NEK10: variants seen among roughly 807,000 people sequenced by gnomAD.
NEK10 encodes serine/threonine-protein kinase Nek10.
A neutral mutation model predicts 159.8 loss-of-function variants in NEK10; 122 were observed. The ratio of observed to expected loss-of-function variants is 0.76; its 90% confidence interval spans 0.66 to 0.89. The LOEUF (loss-of-function observed/expected upper bound fraction) is 0.89. Among genes scored for constraint, NEK10 ranks in the 40% least tolerant of loss-of-function variants. The pLI is 0.00. For missense variants in NEK10, 1,342 were observed against 1,323.1 expected (o/e 1.01, Z -0.22); for synonymous variants, 466 against 457.1 (o/e 1.02, Z -0.25).
intron 18 of NEK10, 120 bp downstream of exon 18, chr3:27,291,142 T>G: frequency 1.1e-6 from 1 of 946,716 alleles, no homozygotes; most frequent in South Asian, 1.8e-5. Flanking sequence ...TCATTCTAAT[T>G]TTCATATCTG....
chr3:27,322,114 C>T (rs1204975646), intron 6 of NEK10, 63 bp downstream of exon 6: 1 of 828,196 alleles, frequency 1.2e-6, no homozygotes, highest in Admixed American at 2.6e-5. Flanking sequence ...AAAGAAAAGC[C>T]CACCAGTCTT....
At position 27,321,091 on chromosome 3, in the gene NEK10, C is replaced by A. The variant is rs527857530; in HGVS notation, c.447+1086G>T. Among the ~76,000 whole-genome samples, 4 of 151,754 alleles carry A rather than the reference C, an allele frequency of 2.6e-5. No homozygotes were observed. In the East Asian group the frequency reaches 7.7e-4, roughly 29 times the overall value. On this transcript the variant is annotated intron_variant, in intron 6 of 35. Coordinates refer to ENST00000691995, the MANE Select transcript of NEK10 (RefSeq NM_001394966.1). ...TCAAATAACAATTCATCAATAAAATCGAGTTCAAAATTAAAGGTGTGAGCT... is the reference window on the plus strand; with the variant it reads ...TCAAATAACAATTCATCAATAAAATAGAGTTCAAAATTAAAGGTGTGAGCT...
At chr3:27,244,742 G>A (rs905013468) in intron 23 of NEK10, among the ~76,000 whole-genome samples, 9 of 152,022 alleles carry the variant, frequency 5.9e-5, no homozygotes, top group African/African-American at 7.2e-5. Flanking sequence ...GCAGTTCCTG[G>A]ACTCGCCCCC....
chr3:27,286,079 CTTTTTTTTTTT>C (rs35663067), intron 20 of NEK10, among the ~76,000 whole-genome samples: 3 of 57,706 alleles, frequency 5.2e-5, no homozygotes, highest in African/African-American at 1.6e-4. Context: ...ATTTCCAATT[CTTTTTTTTTTT>C]TTTTTTTTTT....
chr3:27,300,784 A>T (rs554399222), intron 13 of NEK10, among the ~76,000 whole-genome samples: 2 of 152,334 alleles, frequency 1.3e-5, no homozygotes, highest in South Asian at 4.1e-4. Flanking sequence ...GGGAGTCTTC[A>T]AACAGTAAAC....
chr3:27,240,486 T>TA, intron 23 of NEK10, among the ~76,000 whole-genome samples: 1 of 152,282 alleles, frequency 6.6e-6, no homozygotes, highest in South Asian at 2.1e-4. Flanking sequence ...TCTCTAAATA[T>TA]AAAGTCACAT....
chr3:27,124,309 A>G (rs1031613774), intron 32 of NEK10, among the ~76,000 whole-genome samples: 3 of 152,192 alleles, frequency 2.0e-5, no homozygotes, highest in Non-Finnish European at 4.4e-5. Context: ...CTGTGACACT[A>G]ATGCAAGAGA....
intron 33 of NEK10, among the ~76,000 whole-genome samples, chr3:27,116,970 C>T (rs1940540479): frequency 6.6e-6 from 1 of 152,234 alleles, no homozygotes; most frequent in Middle Eastern, 3.4e-3. Context: ...GCTCTCCCTC[C>T]CCTCACCCAC....
At chr3:27,351,295 G>A (rs1320131019) in intron 3 of NEK10, among the ~76,000 whole-genome samples, 1 of 152,144 alleles carries the variant, frequency 6.6e-6, no homozygotes, top group Non-Finnish European at 1.5e-5. Flanking sequence ...ACTCCAAACT[G>A]TATGCCTAGC....
intron 1 of NEK10, among the ~76,000 whole-genome samples, chr3:27,360,217 A>T (rs2048589675): frequency 6.6e-6 from 1 of 152,208 alleles, no homozygotes; most frequent in Admixed American, 6.5e-5. Flanking sequence ...CTATGACAAG[A>T]ATAAACCTCA....
At chr3:27,305,525 AAAAAACAAAAAC>A (rs1283060668) in intron 11 of NEK10, among the ~76,000 whole-genome samples, 1 of 151,956 alleles carries the variant, frequency 6.6e-6, no homozygotes, top group Non-Finnish European at 1.5e-5. Flanking sequence ...GACTCTGTTT[AAAAAACAAAAAC>A]AAAAACAAAA....
chr3:27,341,570 G>A (rs1174080266), intron 5 of NEK10, among the ~76,000 whole-genome samples: 2 of 152,090 alleles, frequency 1.3e-5, no homozygotes, highest in Non-Finnish European at 2.9e-5. Flanking sequence ...CAGGCTCAGG[G>A]ATGATACTTT....
At chr3:27,193,449 C>T (rs967250233) in intron 25 of NEK10, among the ~76,000 whole-genome samples, 5 of 151,998 alleles carry the variant, frequency 3.3e-5, no homozygotes, top group African/African-American at 9.7e-5. Context: ...TCCCAGAATG[C>T]TATACAAGGT....
At chr3:27,136,717 C>A (rs1408862413) in intron 31 of NEK10, among the ~76,000 whole-genome samples, 1 of 152,128 alleles carries the variant, frequency 6.6e-6, no homozygotes, top group African/African-American at 2.4e-5. Flanking sequence ...AGTTAGAAAG[C>A]AAGGTAAGGA....
intron 23 of NEK10, among the ~76,000 whole-genome samples, chr3:27,222,614 T>A (rs1166022444): frequency 6.6e-6 from 1 of 152,120 alleles, no homozygotes; most frequent in African/African-American, 2.4e-5. Flanking sequence ...CCAACATGAA[T>A]TTCTTTTATA....
intron 23 of NEK10, among the ~76,000 whole-genome samples, chr3:27,241,316 G>C (rs1425857530): frequency 6.6e-6 from 1 of 152,140 alleles, no homozygotes; most frequent in Non-Finnish European, 1.5e-5. Context: ...AGATGTTGTA[G>C]GTGTCCTATT....
chr3:27,301,299 C>T (rs917827778), intron 13 of NEK10, among the ~76,000 whole-genome samples: 1 of 152,308 alleles, frequency 6.6e-6, no homozygotes, highest in African/African-American at 2.4e-5. Context: ...CTCTCTTGCA[C>T]CTGGTGAGAC....
chr3:27,140,125 G>A (rs114675208), intron 31 of NEK10, among the ~76,000 whole-genome samples: 1,525 of 152,272 alleles, frequency 0.01, 23 homozygotes, highest in African/African-American at 0.035. Flanking sequence ...TGACTAGGGT[G>A]TTCCTGGAAA....
Position 27,217,451 on chromosome 3 carries a change from G to A in NEK10, c.2091-14894C>T, listed in dbSNP as rs1951649841. Among the ~76,000 whole-genome samples the A allele has an allele frequency of 2.0e-5, 3 of 152,138 alleles. No homozygotes were observed. The South Asian group carries it at 6.2e-4, about 31-fold the overall frequency. ...AGAGCAGGAGGAAGAGAGAGAGTAG[G>A]GAGGTGTCACACACTTTTAAACAAT... On this transcript the variant is annotated intron_variant, in intron 23 of 35. Transcript: ENST00000691995.
Sources: allele counts gnomAD v4.1 joint callset (sites outside exome capture counted in the v4.1 genomes callset), GRCh38; gene constraint gnomAD v4.1.1; transcripts MANE v1.5; gene names NCBI Gene and HGNC (gene_info 2026-07-23, HGNC 2026-07-21).